The following SAMMSON variants were observed in gnomAD, a reference collection of about 807,000 sequenced individuals.
SAMMSON encodes survival associated mitochondrial melanoma specific oncogenic non-coding RNA.
chr3:70,165,826 A>G (rs1559526579), intron 4 of SAMMSON, among the ~76,000 whole-genome samples: 1 of 152,014 alleles, frequency 6.6e-6, no homozygotes, highest in Non-Finnish European at 1.5e-5. Flanking sequence ...AATTCAATGC[A>G]TCATATTCCC....
intron 7 of SAMMSON, chr3:70,292,032 C>G (rs910488704): frequency 7.2e-5 from 11 of 152,298 alleles, no homozygotes; most frequent in Admixed American, 6.5e-4. Flanking sequence ...TAAATAGTCT[C>G]TTCCTTCAAG....
intron 3 of SAMMSON, chr3:70,015,460 C>G (rs946385572): frequency 6.6e-5 from 10 of 151,898 alleles, no homozygotes; most frequent in Non-Finnish European, 1.5e-4. Context: ...GAAAATCAAC[C>G]TATACATCTT....
At chr3:70,154,835 T>G (rs768045130) in intron 4 of SAMMSON, among the ~76,000 whole-genome samples, 7 of 152,046 alleles carry the variant, frequency 4.6e-5, no homozygotes, top group Non-Finnish European at 8.8e-5. Context: ...GGCTTTACCT[T>G]TGATCCTATG....
At chr3:70,253,686 G>A (rs951669885) in intron 6 of SAMMSON, among the ~76,000 whole-genome samples, 7 of 152,108 alleles carry the variant, frequency 4.6e-5, no homozygotes, top group Non-Finnish European at 1.0e-4. Flanking sequence ...TAACACCACT[G>A]TACTGCAGCC....
chr3:70,270,411 C>A (rs1459899429), intron 6 of SAMMSON, among the ~76,000 whole-genome samples: 4 of 152,152 alleles, frequency 2.6e-5, no homozygotes, highest in Admixed American at 6.5e-5. Context: ...AGACCAAACA[C>A]ATATAAATAC....
chr3:70,339,128 C>G (rs577282828), intron 7 of SAMMSON, among the ~76,000 whole-genome samples: 1 of 152,238 alleles, frequency 6.6e-6, no homozygotes, highest in East Asian at 1.9e-4. Flanking sequence ...CTTTGAGAAT[C>G]CTGACAAAAA....
intron 4 of SAMMSON, among the ~76,000 whole-genome samples, chr3:70,197,994 T>C (rs1023845612): frequency 1.3e-5 from 2 of 152,206 alleles, no homozygotes; most frequent in East Asian, 1.9e-4. Flanking sequence ...TAGATTATTA[T>C]GTTTTTTGTT....
intron 3 of SAMMSON, among the ~76,000 whole-genome samples, chr3:70,037,463 T>C (rs779338002): frequency 9.2e-5 from 14 of 152,078 alleles, no homozygotes; most frequent in Non-Finnish European, 1.9e-4. Flanking sequence ...CCAGTGCTTA[T>C]CTACAGTAGA....
At chr3:70,059,303 G>A (rs2067178929) in intron 3 of SAMMSON, among the ~76,000 whole-genome samples, 1 of 152,056 alleles carries the variant, frequency 6.6e-6, no homozygotes, top group Non-Finnish European at 1.5e-5. Context: ...GTAGTAGCCA[G>A]GGTTATTCAG....
In SAMMSON at chr3:70,414,954, G is replaced by A. The variant is rs556312885; in HGVS notation, n.234-47606G>A. Among the ~76,000 whole-genome samples the A allele has an allele frequency of 7.2e-5, 11 of 152,024 alleles. No homozygotes were observed. The South Asian group carries it at 1.2e-3, about 17-fold the overall frequency. ...TCCAAATGGCTGAAACTAAACAACC[G>A]CAACTTTATAGCAGAGGAGAAGAGG... On this transcript the variant is annotated intron_variant and non_coding_transcript_variant, in intron 2 of 3. Transcript: ENST00000641053.
intron 6 of SAMMSON, among the ~76,000 whole-genome samples, chr3:70,268,193 G>A (rs763731634): frequency 6.6e-6 from 1 of 152,082 alleles, no homozygotes; most frequent in Non-Finnish European, 1.5e-5. Context: ...TTCTCCGGCT[G>A]GGCGCGGTAG....
At chr3:70,126,480 C>A in intron 4 of SAMMSON, 1 of 647,062 alleles carries the variant, frequency 1.5e-6, no homozygotes, top group South Asian at 1.6e-5. Flanking sequence ...TTCAGCAAGT[C>A]CTCTTTCTCC....
chr3:70,339,662 G>A lies in SAMMSON; in HGVS notation n.740-14513G>A, dbSNP rs575542991. ...ACAGACACATGAAAAAATGTTCATC[G>A]TCACTGGCCATCAGAGAAATGCAAA... On this transcript the variant is annotated intron_variant and non_coding_transcript_variant, in intron 7 of 9. Transcript: ENST00000642114. Among the ~76,000 whole-genome samples, 771 of 152,172 alleles carry A rather than the reference G, an allele frequency of 5.1e-3. 3 individuals are homozygous for A. The highest frequency in any genetic ancestry group is 0.012 in the South Asian group (58 of 4,814).
intron 3 of SAMMSON, among the ~76,000 whole-genome samples, chr3:70,053,025 AG>A (rs2067152084): frequency 6.6e-6 from 1 of 152,202 alleles, no homozygotes; most frequent in Non-Finnish European, 1.5e-5. Context: ...TAAGCCTATC[AG>A]TGCTCTGAAA....
chr3:70,376,320 A>G (rs1437517527), intron 9 of SAMMSON, among the ~76,000 whole-genome samples: 1 of 152,190 alleles, frequency 6.6e-6, no homozygotes, highest in Non-Finnish European at 1.5e-5. Context: ...AAGTGTTTTC[A>G]AAATTTCCAC....
intron 2 of SAMMSON, among the ~76,000 whole-genome samples, chr3:70,430,461 A>G (rs887736136): frequency 2.0e-5 from 3 of 152,176 alleles, no homozygotes; most frequent in Non-Finnish European, 4.4e-5. Flanking sequence ...CTTGAGATCA[A>G]TCTAGTAGAA....
intron 2 of SAMMSON, among the ~76,000 whole-genome samples, chr3:70,400,924 C>T (rs911344316): frequency 1.3e-5 from 2 of 151,806 alleles, no homozygotes; most frequent in Non-Finnish European, 2.9e-5. Flanking sequence ...AGAGCAAGAC[C>T]CTGTCTCAAA....
intron 3 of SAMMSON, among the ~76,000 whole-genome samples, chr3:70,016,216 C>A (rs1225705293): frequency 6.6e-6 from 1 of 152,168 alleles, no homozygotes; most frequent in African/African-American, 2.4e-5. Flanking sequence ...CACATCCTCT[C>A]CAGCACCTGT....
chr3:70,162,481 T>G (rs151176443), intron 4 of SAMMSON, among the ~76,000 whole-genome samples: 2 of 152,082 alleles, frequency 1.3e-5, no homozygotes, highest in Non-Finnish European at 2.9e-5. Context: ...CCAGTTTAAT[T>G]CCATTTGATT....
Sources: allele counts gnomAD v4.1 joint callset (sites outside exome capture counted in the v4.1 genomes callset), GRCh38; gene constraint gnomAD v4.1.1; transcripts MANE v1.5; gene names NCBI Gene and HGNC (gene_info 2026-07-23, HGNC 2026-07-21).